Variants in IK observed in about 807,000 individuals in gnomAD.
The protein encoded by IK is protein Red.
IK carries 47 observed loss-of-function variants against 90.9 expected under a neutral mutation model. The ratio of observed to expected loss-of-function variants is 0.52; its 90% CI spans 0.41 to 0.66. The LOEUF (loss-of-function observed/expected upper bound fraction) is 0.66. IK is among the 30% of genes least tolerant of loss of function. The pLI is 0.00. For synonymous variants in IK, 201 were observed against 227.5 expected (o/e 0.88, Z 1.05); for missense variants, 385 against 709.3 (o/e 0.54, Z 5.19).
At chr5:140,648,026 G>GTGTC in intron 1 of IK, 102 bp downstream of exon 1, 3 of 1,019,000 alleles carry the variant, frequency 2.9e-6, no homozygotes. Context: ...GTGTGTGTGT[G>GTGTC]TGTGTGTGTG....
At chr5:140,653,286 C>CTTTTTT in intron 5 of IK, 142 bp downstream of exon 5, 1 of 370,782 alleles carries the variant, frequency 2.7e-6, no homozygotes, top group Non-Finnish European at 4.8e-6. Flanking sequence ...AAGGGCTGTT[C>CTTTTTT]TTTTTTTTTT....
rs1260723785 is a variant in IK, at chr5:140,648,495, C to A, written c.41C>A (p.Ala14Asp). The change falls in exon 2 of 20, where the codon GCC (alanine) becomes GAC (aspartate). Residue 14 changes from alanine to aspartate, a missense_variant. Ala to Asp is a moderately radical substitution (Grantham distance 126). Transcript: ENST00000417647. ...RDSEPFSNPL[A>D]PDGHDVDDPH... ...GGTGAGCCGTTCTCCAACCCTTTGG[C>A]CCCCGATGGCCACGATGTGGATGAT... The A allele has an allele frequency of 1.9e-6, 3 of 1,613,850 alleles. No homozygotes were observed. The highest frequency in any genetic ancestry group is 1.3e-5 in the African/African-American group (1 of 74,934).
chr5:140,648,125 G>A (rs777399295), intron 1 of IK: 2 of 727,200 alleles, frequency 2.8e-6, no homozygotes, highest in Middle Eastern at 2.3e-4. Flanking sequence ...TCCGTCCCCA[G>A]TCCTCACTCC....
At position 140,660,166 on chromosome 5, in the gene IK, C is replaced by G; in HGVS notation, c.1326C>G (p.Ser442=). 12 of 1,613,638 alleles carry G rather than the reference C, an allele frequency of 7.4e-6. No homozygotes were observed. The highest frequency in any genetic ancestry group is 1.0e-5 in the Non-Finnish European group (12 of 1,179,686). Reference sequence around the variant, plus strand: ...AGCTGGGAGATTTCTTTGGCATGTCCAACAGTTATGCAGAGTGCTACCCAG... The same window carrying G: ...AGCTGGGAGATTTCTTTGGCATGTCGAACAGTTATGCAGAGTGCTACCCAG... ...KKQLGDFFGM[S]NSYAECYPAT... Residue 442 remains serine (S), a synonymous_variant, in exon 15 of 20, where the codon TCC becomes TCG. Transcript: ENST00000417647.
In IK at chr5:140,660,110, C is replaced by CATATGCTG; in HGVS notation, c.1275-3_1279dup. The CATATGCTG allele has an allele frequency of 6.2e-7, 1 of 1,611,424 alleles. No individual in the cohort carries two copies. Among genetic ancestry groups the CATATGCTG allele is most frequent in the Admixed American group, 1.7e-5 (1 of 59,978 alleles). On this transcript the variant is annotated splice_region_variant and splice_polypyrimidine_tract_variant and intron_variant, in intron 14 of 19. Transcript: ENST00000417647. ...CTGTGTAGTGTTTTCTTTAACATAG[C>CATATGCTG]ATATGCTGAAGAAGCCAGAAGACAA...
At position 140,660,107 on chromosome 5, in the gene IK, T is replaced by C. The variant is rs766882975; in HGVS notation, c.1275-8T>C. 15 of 1,612,020 alleles carry C rather than the reference T, an allele frequency of 9.3e-6. No homozygotes were observed. Among genetic ancestry groups the C allele is most frequent in the Non-Finnish European group, 1.2e-5 (14 of 1,178,394 alleles). ...ATCCTGTGTAGTGTTTTCTTTAACA[T>C]AGCATATGCTGAAGAAGCCAGAAGA... On this transcript the variant is annotated splice_polypyrimidine_tract_variant and splice_region_variant and intron_variant, in intron 14 of 19. Coordinates refer to ENST00000417647, the MANE Select transcript of IK (RefSeq NM_006083.4).
Position 140,653,387 on chromosome 5 carries a change from T to C in IK, c.404+243T>C, listed in dbSNP as rs564837972. The stretch of plus-strand genomic sequence containing the variant: ...TGGCAAGCTCCGCCTCCCAGGTTCA[T>C]GCCATTCTCCTGCCTCAGCCTCCCG... On this transcript the variant is annotated intron_variant, in intron 5 of 19. Coordinates refer to ENST00000417647, the MANE Select transcript of IK (RefSeq NM_006083.4). 2.8e-3 allele frequency among the ~76,000 whole-genome samples: 419 copies of C among 148,996 alleles called. 2 individuals are homozygous for C. Among genetic ancestry groups the C allele is most frequent in the Non-Finnish European group, 4.9e-3 (330 of 67,152 alleles).
Position 140,658,967 on chromosome 5 carries a change from CCCTCCACAA to C in IK, c.982_990del (p.Ser328_Thr330del). On this transcript the variant is annotated inframe_deletion, in exon 12 of 20. Transcript: ENST00000417647. ...TTTTGAAGACATTGGGGATTACGTACCCTCCACAACCAAGACACCTCGGGACAAGGAGCG... is the reference window on the plus strand; with the variant it reads ...TTTTGAAGACATTGGGGATTACGTACCCAAGACACCTCGGGACAAGGAGCG... 6.2e-7 allele frequency: 1 copy of C among 1,613,884 alleles called. No homozygotes were observed. The highest frequency in any genetic ancestry group is 8.5e-7 in the Non-Finnish European group (1 of 1,179,858).
At chr5:140,652,779 T>C (rs1381524337) in intron 4 of IK, among the ~76,000 whole-genome samples, 198 bp from the exon 5 acceptor site, 5 of 152,188 alleles carry the variant, frequency 3.3e-5, no homozygotes, top group Non-Finnish European at 7.3e-5. Context: ...ACTGGAAAAG[T>C]ATATCTATAA....
intron 11 of IK, 66 bp downstream of exon 11, chr5:140,658,842 T>A: frequency 6.3e-7 from 1 of 1,593,304 alleles, no homozygotes; most frequent in Non-Finnish European, 8.6e-7. Context: ...GTGTCTGGCA[T>A]TTTGGGGAGG....
chr5:140,662,264 AT>A, intron 19 of IK, 37 bp from the exon 20 acceptor site: 1 of 1,613,990 alleles, frequency 6.2e-7, no homozygotes, highest in East Asian at 2.2e-5. Context: ...TGCTTAGTGT[AT>A]TGATCTTATA....
chr5:140,657,018 T>G (rs1757722149), intron 9 of IK, among the ~76,000 whole-genome samples: 1 of 152,056 alleles, frequency 6.6e-6, no homozygotes, highest in Non-Finnish European at 1.5e-5. Context: ...CAATACCAGG[T>G]GGGCCAACAT....
At chr5:140,651,835 C>G (rs749328741) in intron 3 of IK, 29 bp downstream of exon 3, 1 of 1,383,854 alleles carries the variant, frequency 7.2e-7, no homozygotes, top group South Asian at 1.2e-5. Flanking sequence ...CAACCTGTCT[C>G]CCAACTTGTT....
intron 12 of IK, 43 bp downstream of exon 12, chr5:140,659,207 C>T (rs1163616004): frequency 6.2e-7 from 1 of 1,603,074 alleles, no homozygotes; most frequent in Non-Finnish European, 8.5e-7. Flanking sequence ...AGTTGCCCCT[C>T]TCTGGAAATG....
intron 15 of IK, 94 bp downstream of exon 15, chr5:140,660,289 C>CTTATTTTTTTT: frequency 1.1e-5 from 3 of 282,636 alleles, no homozygotes; most frequent in Non-Finnish European, 1.2e-5. Flanking sequence ...CCCAGGGCTA[C>CTTATTTTTTTT]TTCTTTTTTT....
intron 13 of IK, 118 bp downstream of exon 13, chr5:140,659,451 C>G: frequency 9.2e-7 from 1 of 1,086,070 alleles, no homozygotes. Flanking sequence ...CTTGTAAGAA[C>G]TGTGTCTTGC....
chr5:140,660,086 T>C, intron 14 of IK, 29 bp from the exon 15 acceptor site: 2 of 1,590,306 alleles, frequency 1.3e-6, no homozygotes, highest in Non-Finnish European at 1.7e-6. Context: ...GGTAGAATCC[T>C]GTGTAGTGTT....
At chr5:140,650,196 G>A (rs1285731221) in intron 2 of IK, among the ~76,000 whole-genome samples, 2 of 152,168 alleles carry the variant, frequency 1.3e-5, no homozygotes, top group Non-Finnish European at 2.9e-5. Context: ...GTTGTATTCG[G>A]AATTAAGTTC....
chr5:140,654,821 C>T (rs186808360), intron 8 of IK, 94 bp downstream of exon 8: 188 of 827,858 alleles, frequency 2.3e-4, no homozygotes, highest in Non-Finnish European at 4.3e-5. Flanking sequence ...TTTCCCCCAA[C>T]CTCCTTTCTT....
Sources: allele counts gnomAD v4.1 joint callset (sites outside exome capture counted in the v4.1 genomes callset), GRCh38; gene constraint gnomAD v4.1.1; transcripts MANE v1.5; gene names NCBI Gene and HGNC (gene_info 2026-07-23, HGNC 2026-07-21).